KIAA1671: variants seen among roughly 807,000 people sequenced by gnomAD.
KIAA1671 encodes KIAA1671.
Under a neutral mutation model 131.2 loss-of-function variants are expected in KIAA1671, and 52 were observed. That is an observed-to-expected ratio of 0.40 (90% CI 0.32 to 0.50). The LOEUF (loss-of-function observed/expected upper bound fraction) is 0.50, where lower values mean the gene tolerates loss of function less well. Among genes scored for constraint, KIAA1671 ranks in the 20% least tolerant of loss-of-function variants. The probability of loss-of-function intolerance (pLI) is 0.73; values close to 1 mark genes in which losing one functional copy is unlikely to be tolerated. For missense variants in KIAA1671, 2,360 were observed against 2,364.2 expected, an observed-to-expected ratio of 1.00 and a Z score of 0.04; for synonymous variants, 1,003 against 961.6, an observed-to-expected ratio of 1.04 and a Z score of -0.80.
At chr22:25,045,919 G>C (rs938169606) in intron 5 of KIAA1671, among the ~76,000 whole-genome samples, 3 of 152,058 alleles carry the variant, frequency 2.0e-5, no homozygotes, top group African/African-American at 2.4e-5. Flanking sequence ...TGGTTGCGAA[G>C]TATTGTATTA....
In KIAA1671 at chr22:25,077,187, G is replaced by A. The variant is rs147255510; in HGVS notation, c.4530+27823G>A. Among the ~76,000 whole-genome samples, 273 of 152,290 alleles carry A rather than the reference G, an allele frequency of 1.8e-3. 2 individuals are homozygous for A. The highest frequency in any genetic ancestry group is 6.4e-3 in the African/African-American group (267 of 41,554). ...TAGGCGAGGCGGGGCTCTGGAGGGA[G>A]AACCCTGGCCTAGAATCCTGGCCCT... On this transcript the variant is annotated intron_variant, in intron 6 of 12. Transcript: ENST00000358431.
At chr22:25,085,687 A>T (rs1285663656) in intron 6 of KIAA1671, among the ~76,000 whole-genome samples, 2 of 148,652 alleles carry the variant, frequency 1.3e-5, no homozygotes, top group Non-Finnish European at 3.0e-5. Context: ...CAGGCCTGGG[A>T]TTCATTCCTC....
At position 25,039,376 on chromosome 22, in the gene KIAA1671, C is replaced by T; in HGVS notation, c.2246C>T (p.Ser749Leu). 1 of 1,551,836 alleles carries T rather than the reference C, an allele frequency of 6.4e-7. No homozygotes were observed. Among genetic ancestry groups the T allele is most frequent in the Non-Finnish European group, 8.7e-7 (1 of 1,147,030 alleles). Residue 749 changes from serine to leucine, a missense_variant, in exon 5 of 13, where the codon TCA becomes TTA. This residue lies in a region of KIAA1671 where 1,185 missense variants were observed against 1,126.2 expected (regional missense o/e 1.05). Coordinates refer to ENST00000358431, the MANE Select transcript of KIAA1671 (RefSeq NM_001145206.2). Reference sequence around the variant, plus strand: ...GAGCGTGTGCACAGCGAGGCCATCTCACCGGCACCGGAGGAGAAAGCGGTC... The same window carrying T: ...GAGCGTGTGCACAGCGAGGCCATCTTACCGGCACCGGAGGAGAAAGCGGTC... ...VGERVHSEAISPAPEEKAVTL... is the reference protein window; with the variant it reads ...VGERVHSEAILPAPEEKAVTL...
intron 1 of KIAA1671, among the ~76,000 whole-genome samples, chr22:24,955,584 G>C (rs778176504): frequency 6.6e-6 from 1 of 152,186 alleles, no homozygotes; most frequent in Non-Finnish European, 1.5e-5. Flanking sequence ...AGCGTGGGGC[G>C]CTGTGGATCA....
chr22:24,981,903 T>C (rs1465740384), intron 1 of KIAA1671, among the ~76,000 whole-genome samples: 1 of 152,150 alleles, frequency 6.6e-6, no homozygotes, highest in African/African-American at 2.4e-5. Flanking sequence ...CAAAACTCTG[T>C]CTAACATAAA....
intron 1 of KIAA1671, among the ~76,000 whole-genome samples, chr22:25,020,441 A>G (rs1925601806): frequency 6.6e-6 from 1 of 152,188 alleles, no homozygotes; most frequent in African/African-American, 2.4e-5. Context: ...ACTCACGTCT[A>G]CATTGAATAT....
At chr22:25,008,910 G>C (rs1010923905) in intron 1 of KIAA1671, among the ~76,000 whole-genome samples, 2 of 152,238 alleles carry the variant, frequency 1.3e-5, no homozygotes, top group African/African-American at 4.8e-5. Context: ...GAGGCTGGCA[G>C]TGCCAGGCCC....
At chr22:25,112,374 G>A (rs1343737809) in intron 6 of KIAA1671, 2 of 398,948 alleles carry the variant, frequency 5.0e-6, no homozygotes, top group African/African-American at 2.1e-5. Context: ...TCCCGGAGTC[G>A]GGAATCCTTC....
intron 6 of KIAA1671, among the ~76,000 whole-genome samples, chr22:25,135,832 A>C (rs1311702401): frequency 6.6e-6 from 1 of 152,242 alleles, no homozygotes; most frequent in African/African-American, 2.4e-5. Flanking sequence ...GCATCACCAC[A>C]GTACTGATGG....
At chr22:25,070,251 T>A (rs1928744487) in intron 6 of KIAA1671, 1 of 407,628 alleles carries the variant, frequency 2.5e-6, no homozygotes, top group Admixed American at 4.4e-5. Flanking sequence ...GGCTTCTGAA[T>A]GATTTATGCC....
chr22:25,109,122 T>C (rs1931197045), intron 6 of KIAA1671, among the ~76,000 whole-genome samples: 1 of 152,096 alleles, frequency 6.6e-6, no homozygotes, highest in South Asian at 2.1e-4. Flanking sequence ...TTCTTTTTTT[T>C]TTTTTTAGAC....
At chr22:25,156,268 G>A (rs943860083) in intron 6 of KIAA1671, among the ~76,000 whole-genome samples, 24 of 151,578 alleles carry the variant, frequency 1.6e-4, no homozygotes, top group African/African-American at 5.1e-4. Context: ...CTCGTGATCC[G>A]CCCTCCTCGG....
chr22:25,039,449 G>A lies in KIAA1671; in HGVS notation c.2319G>A (p.Leu773=). 1 of 1,551,806 alleles carries A rather than the reference G, an allele frequency of 6.4e-7. No homozygotes were observed. The highest frequency in any genetic ancestry group is 1.2e-5 in the South Asian group (1 of 84,066). ...GGCTCTCACTGAAGGACAGGCAGCT[G>A]TCCCAGGAGGTCACCCCTGCTGACC... The part of the protein sequence containing the change: ...RSWLSLKDRQ[L]SQEVTPADLE... The change falls in exon 5 of 13, where the codon CTG becomes CTA. Residue 773 remains leucine (L), a synonymous_variant. Transcript: ENST00000358431.
intron 5 of KIAA1671, among the ~76,000 whole-genome samples, chr22:25,048,764 G>T (rs1414994003): frequency 2.6e-5 from 4 of 152,162 alleles, no homozygotes; most frequent in Non-Finnish European, 5.9e-5. Flanking sequence ...TTAAAATAAG[G>T]TCACCAAGAA....
chr22:25,027,561 C>G (rs1926016083), intron 2 of KIAA1671, among the ~76,000 whole-genome samples: 1 of 152,224 alleles, frequency 6.6e-6, no homozygotes, highest in Admixed American at 6.5e-5. Flanking sequence ...TAAGTCCTGA[C>G]TTCGCCTCTT....
At chr22:25,109,827 A>T (rs982814928) in intron 6 of KIAA1671, among the ~76,000 whole-genome samples, 6 of 152,162 alleles carry the variant, frequency 3.9e-5, no homozygotes, top group Non-Finnish European at 7.3e-5. Context: ...TGAATGAAAG[A>T]ATGAATGAGG....
chr22:25,089,768 A>G (rs1929931582), intron 6 of KIAA1671, among the ~76,000 whole-genome samples: 1 of 152,180 alleles, frequency 6.6e-6, no homozygotes, highest in Non-Finnish European at 1.5e-5. Flanking sequence ...CATGTCGGTC[A>G]TTTCCAGTTG....
rs1035562493 is a variant in KIAA1671 at position 25,092,516 on chromosome 22, C to G, written c.4530+43152C>G. Among the ~76,000 whole-genome samples the G allele has an allele frequency of 3.4e-4, 51 of 152,038 alleles. 1 individual carries two copies. Among genetic ancestry groups the G allele is most frequent in the Non-Finnish European group, 7.4e-5 (5 of 68,020 alleles). Reference sequence around the variant, plus strand: ...GAGCATTTTTGGTGGAGGCTAACCTCGTAGGATGGAGAACTGTCAAGCCCA... The same window carrying G: ...GAGCATTTTTGGTGGAGGCTAACCTGGTAGGATGGAGAACTGTCAAGCCCA... On this transcript the variant is annotated intron_variant, in intron 6 of 12. Coordinates refer to ENST00000358431, the MANE Select transcript of KIAA1671 (RefSeq NM_001145206.2).
chr22:25,097,382 C>T (rs1930440461), intron 6 of KIAA1671, among the ~76,000 whole-genome samples: 1 of 152,158 alleles, frequency 6.6e-6, no homozygotes, highest in African/African-American at 2.4e-5. Context: ...CACAGTTCAC[C>T]AGCTGGTATT....
Sources: allele counts gnomAD v4.1 joint callset (sites outside exome capture counted in the v4.1 genomes callset), GRCh38; gene constraint gnomAD v4.1.1; regional missense constraint gnomAD v4.1.1; transcripts MANE v1.5; gene names NCBI Gene and HGNC (gene_info 2026-07-23, HGNC 2026-07-21).